The following IMMP2L variants were observed in gnomAD, a reference collection of about 807,000 sequenced individuals.
The protein encoded by IMMP2L is inner mitochondrial membrane peptidase subunit 2, also known as mitochondrial inner membrane protease subunit 2.
A neutral mutation model predicts 19.3 loss-of-function variants in IMMP2L; 18 were observed. The observed-to-expected ratio is 0.93, with a 90% confidence interval of 0.64 to 1.38. The LOEUF (loss-of-function observed/expected upper bound fraction) is 1.38. IMMP2L is among the 40% of genes most tolerant of loss of function. IMMP2L has a pLI of 0.00. For missense variants in IMMP2L, 233 were observed against 218.2 expected, an observed-to-expected ratio of 1.07 and a Z score of -0.43; for synonymous variants, 76 against 73.0, an observed-to-expected ratio of 1.04 and a Z score of -0.21.
At chr7:111,184,042 C>A (rs968568461) in intron 3 of IMMP2L, among the ~76,000 whole-genome samples, 1 of 151,888 alleles carries the variant, frequency 6.6e-6, no homozygotes, top group Non-Finnish European at 1.5e-5. Flanking sequence ...AGTTATCCAG[C>A]TCATTTATGG....
chr7:111,296,529 G>A (rs143154405), intron 3 of IMMP2L, among the ~76,000 whole-genome samples: 1 of 151,858 alleles, frequency 6.6e-6, no homozygotes, highest in Admixed American at 6.6e-5. Flanking sequence ...CCCAATGCTG[G>A]TAAGGATATG....
intron 3 of IMMP2L, among the ~76,000 whole-genome samples, chr7:111,437,410 C>T (rs1002703814): frequency 2.0e-5 from 3 of 151,802 alleles, no homozygotes; most frequent in Non-Finnish European, 4.4e-5. Context: ...ACGCCCATTG[C>T]CCCACAGACT....
chr7:111,151,992 T>A (rs905380339), intron 3 of IMMP2L, among the ~76,000 whole-genome samples: 1 of 152,006 alleles, frequency 6.6e-6, no homozygotes, highest in African/African-American at 2.4e-5. Flanking sequence ...ACTGTCGAAG[T>A]TTTAGAAGTG....
intron 3 of IMMP2L, among the ~76,000 whole-genome samples, chr7:111,331,958 T>C (rs1825921761): frequency 6.6e-6 from 1 of 151,852 alleles, no homozygotes; most frequent in Non-Finnish European, 1.5e-5. Flanking sequence ...AGTATACATA[T>C]ATATATTTAT....
intron 3 of IMMP2L, among the ~76,000 whole-genome samples, chr7:111,388,195 C>T (rs1831978492): frequency 6.6e-6 from 1 of 151,926 alleles, no homozygotes; most frequent in African/African-American, 2.4e-5. Flanking sequence ...TTAGCTGGCA[C>T]AGACAGCAAG....
Position 110,770,918 on chromosome 7 carries a change from G to A in IMMP2L, c.409-107197C>T, listed in dbSNP as rs576315552. 4.6e-5 allele frequency among the ~76,000 whole-genome samples: 7 copies of A among 152,230 alleles called. No homozygotes were observed. In the South Asian group the frequency reaches 1.0e-3, roughly 23 times the overall value. Reference sequence around the variant, plus strand: ...AATTAACATGAACATTGCTCCCACAGAGCTGTGTTGTTCCTGGTGGGATTT... The same window carrying A: ...AATTAACATGAACATTGCTCCCACAAAGCTGTGTTGTTCCTGGTGGGATTT... On this transcript the variant is annotated intron_variant, in intron 5 of 5. Coordinates refer to ENST00000405709, the MANE Select transcript of IMMP2L (RefSeq NM_032549.4).
chr7:110,884,784 G>T (rs963889735), intron 5 of IMMP2L, among the ~76,000 whole-genome samples: 16 of 151,996 alleles, frequency 1.1e-4, no homozygotes, highest in African/African-American at 3.6e-4. Context: ...ACAAAAATTA[G>T]ATTATATTTT....
At position 110,980,346 on chromosome 7, in the gene IMMP2L, G is replaced by C. The variant is rs565986012; in HGVS notation, c.240-16781C>G. On this transcript the variant is annotated intron_variant, in intron 3 of 5. Coordinates refer to ENST00000405709, the MANE Select transcript of IMMP2L (RefSeq NM_032549.4). ...GGGTTCACGCCATTCTCCTGCCTCA[G>C]CCTCTCCGAGTAGCTGGGACTACAG... Among the ~76,000 whole-genome samples, 73 of 148,814 alleles carry C rather than the reference G, an allele frequency of 4.9e-4. 1 individual carries two copies. The highest frequency in any genetic ancestry group is 1.8e-3 in the African/African-American group (71 of 40,342).
chr7:110,789,606 T>A (rs1194783091), intron 5 of IMMP2L, among the ~76,000 whole-genome samples: 1 of 151,748 alleles, frequency 6.6e-6, no homozygotes, highest in Non-Finnish European at 1.5e-5. Flanking sequence ...GTTATGTCAC[T>A]TCAATGCTCA....
At chr7:111,170,603 C>T (rs1806326690) in intron 3 of IMMP2L, among the ~76,000 whole-genome samples, 1 of 151,568 alleles carries the variant, frequency 6.6e-6, no homozygotes. Flanking sequence ...AAAGGTTAGC[C>T]CTAGAAAAGA....
At chr7:110,748,159 A>G (rs1035829026) in intron 5 of IMMP2L, among the ~76,000 whole-genome samples, 1 of 152,200 alleles carries the variant, frequency 6.6e-6, no homozygotes, top group African/African-American at 2.4e-5. Flanking sequence ...TGTTACAAAG[A>G]GAATAAAATA....
At chr7:111,447,157 C>G (rs1241304042) in intron 3 of IMMP2L, among the ~76,000 whole-genome samples, 2 of 147,746 alleles carry the variant, frequency 1.4e-5, no homozygotes, top group Non-Finnish European at 3.0e-5. Flanking sequence ...AGGAGAACTT[C>G]CCCAATCTAG....
intron 5 of IMMP2L, among the ~76,000 whole-genome samples, chr7:110,693,195 G>A (rs985440210): frequency 2.0e-5 from 3 of 152,138 alleles, no homozygotes; most frequent in African/African-American, 4.8e-5. Flanking sequence ...ATACTAAATT[G>A]TCTACTTCTT....
At chr7:110,754,870 G>A (rs1485966078) in intron 5 of IMMP2L, among the ~76,000 whole-genome samples, 4 of 151,738 alleles carry the variant, frequency 2.6e-5, no homozygotes, top group African/African-American at 9.7e-5. Context: ...GGCCCTCGGA[G>A]AACCAGGGAA....
At chr7:111,458,414 G>A (rs1349670314) in intron 3 of IMMP2L, among the ~76,000 whole-genome samples, 2 of 151,850 alleles carry the variant, frequency 1.3e-5, no homozygotes, top group Non-Finnish European at 2.9e-5. Flanking sequence ...CTATCATTCT[G>A]TCAAAAATAA....
intron 4 of IMMP2L, among the ~76,000 whole-genome samples, chr7:110,897,517 T>A (rs1032954882): frequency 2.0e-5 from 3 of 152,192 alleles, no homozygotes; most frequent in African/African-American, 7.2e-5. Flanking sequence ...AGTTATAATC[T>A]TTTTGGAAGC....
intron 3 of IMMP2L, among the ~76,000 whole-genome samples, chr7:111,347,896 T>C (rs1201509358): frequency 6.6e-6 from 1 of 151,872 alleles, no homozygotes; most frequent in Non-Finnish European, 1.5e-5. Context: ...TTTTAAAAAG[T>C]TCTATCAAGA....
chr7:111,281,204 A>AAG (rs1190817319), intron 3 of IMMP2L, among the ~76,000 whole-genome samples: 63 of 49,320 alleles, frequency 1.3e-3, no homozygotes, highest in African/African-American at 4.4e-3. Flanking sequence ...GAAAGAAAGA[A>AAG]AGAAAGAAAG....
chr7:110,886,534 A>G (rs1458845339), intron 5 of IMMP2L, 59 bp downstream of exon 5: 2 of 897,718 alleles, frequency 2.2e-6, no homozygotes, highest in Non-Finnish European at 3.8e-6. Context: ...TATCTGACAT[A>G]GTTTTGTTCT....
Sources: allele counts gnomAD v4.1 joint callset (sites outside exome capture counted in the v4.1 genomes callset), GRCh38; gene constraint gnomAD v4.1.1; transcripts MANE v1.5; gene names NCBI Gene and HGNC (gene_info 2026-07-23, HGNC 2026-07-21).